C3orf49: variants seen among roughly 807,000 people sequenced by gnomAD.
The protein encoded by C3orf49 is chromosome 3 open reading frame 49, also known as putative uncharacterized protein C3orf49.
A neutral mutation model predicts 13.3 loss-of-function variants in C3orf49; 27 were observed. That is an observed-to-expected ratio of 2.02 (90% CI 1.49 to 2.79). C3orf49 has a LOEUF of 2.79. Among genes scored for constraint, C3orf49 ranks in the 30% most tolerant of loss-of-function variants. The pLI is 0.00. For missense variants in C3orf49, 242 were observed against 134.2 expected, an observed-to-expected ratio of 1.80 and a Z score of -3.97; for synonymous variants, 87 against 47.6, an observed-to-expected ratio of 1.83 and a Z score of -3.40.
At chr3:63,836,377 T>C in intron 5 of C3orf49, 1 of 1,609,284 alleles carries the variant, frequency 6.2e-7, no homozygotes, top group Non-Finnish European at 8.5e-7. Flanking sequence ...CATAAAAATA[T>C]TTATCAAACT....
chr3:63,836,316 C>A, intron 5 of C3orf49: 1 of 1,612,642 alleles, frequency 6.2e-7, no homozygotes, highest in Non-Finnish European at 8.5e-7. Flanking sequence ...TGTCTCATGC[C>A]TGTCTGGATG....
At chr3:63,781,744 A>C in the C3orf49 span, among the ~76,000 whole-genome samples, 8 of 152,134 alleles carry the variant, frequency 5.3e-5, no homozygotes, top group Admixed American at 5.2e-4. Flanking sequence ...TGGAGATTGC[A>C]ATGATAAGAG....
intron 5 of C3orf49, among the ~76,000 whole-genome samples, chr3:63,835,560 TA>T (rs1425156345): frequency 6.6e-6 from 1 of 152,148 alleles, no homozygotes; most frequent in Non-Finnish European, 1.5e-5. Flanking sequence ...GATTTCTTCT[TA>T]ACTTCTAAAT....
At chr3:63,818,958 A>C (rs191336157), upstream of C3orf49, among the ~76,000 whole-genome samples, 28 of 152,350 alleles carry the variant, frequency 1.8e-4, no homozygotes, top group East Asian at 5.2e-3. Context: ...GAGAACATTC[A>C]CCAGCTGTAA....
the C3orf49 span, among the ~76,000 whole-genome samples, chr3:63,806,037 ACTT>A: frequency 6.6e-6 from 1 of 152,116 alleles, no homozygotes; most frequent in Non-Finnish European, 1.5e-5. Flanking sequence ...GTGGAATACT[ACTT>A]CTACAACTCT....
At chr3:63,783,842 G>A in the C3orf49 span, among the ~76,000 whole-genome samples, 1 of 152,026 alleles carries the variant, frequency 6.6e-6, no homozygotes, top group African/African-American at 2.4e-5. Context: ...GCTACCTGTG[G>A]TCTAGCTGAA....
At chr3:63,842,489 A>ACATTT (rs2107133218) in intron 5 of C3orf49, among the ~76,000 whole-genome samples, 1 of 152,312 alleles carries the variant, frequency 6.6e-6, no homozygotes, top group South Asian at 2.1e-4. Flanking sequence ...AAAATGTGGT[A>ACATTT]TCTATACACC....
chr3:63,831,317 G>T, intron 4 of C3orf49, 94 bp downstream of exon 4: 1 of 638,356 alleles, frequency 1.6e-6, no homozygotes, highest in Non-Finnish European at 2.8e-6. Context: ...CATGGGTGTG[G>T]GATGAAATTA....
Position 63,819,400 on chromosome 3 carries a change from T to C in C3orf49, c.-72T>C. On this transcript the variant is annotated 5_prime_UTR_variant, in exon 1 of 7. Transcript: ENST00000295896. ...GACAGTACATTCAGTCACTGGATGATTTTGTATTGAAGTCTGTAAGTTCAA... is the reference window on the plus strand; with the variant it reads ...GACAGTACATTCAGTCACTGGATGACTTTGTATTGAAGTCTGTAAGTTCAA... 1.5e-6 allele frequency: 1 copy of C among 677,282 alleles called. No individual in the cohort carries two copies. The highest frequency in any genetic ancestry group is 2.7e-6 in the Non-Finnish European group (1 of 372,728). The allele number at this position is 677,282 out of a possible 1,614,324, so 42.0% of individuals were successfully genotyped here. A position where few individuals can be genotyped will look rare whatever the true frequency, so the allele number is the denominator to read the frequency against.
At chr3:63,844,917 G>A in intron 5 of C3orf49, 106 bp from the exon 6 acceptor site, 1 of 552,108 alleles carries the variant, frequency 1.8e-6, no homozygotes, top group East Asian at 2.8e-5. Context: ...TGTGGCTGTT[G>A]CTATAATACC....
upstream of C3orf49, among the ~76,000 whole-genome samples, chr3:63,818,551 A>C (rs1428591080): frequency 6.6e-6 from 1 of 152,214 alleles, no homozygotes; most frequent in Non-Finnish European, 1.5e-5. Context: ...GTTTGTGTGC[A>C]CTTGAAAGCT....
rs1701368404 is a variant in C3orf49 at position 63,819,528 on chromosome 3, T to A, written c.57T>A (p.Val19=). 2 of 703,122 alleles carry A rather than the reference T, an allele frequency of 2.8e-6. No individual in the cohort carries two copies. The highest frequency in any genetic ancestry group is 5.2e-6 in the Non-Finnish European group (2 of 385,022). The allele number at this position is 703,122 out of a possible 1,614,324, so 43.6% of individuals were successfully genotyped here. Residue 19 remains valine, a synonymous_variant, in exon 1 of 7, where the codon GTT becomes GTA. Coordinates refer to ENST00000295896, the MANE Select transcript of C3orf49 (RefSeq NM_001355236.2). ...PEPFKIAYRK[V]GQCRRFQQLK... The stretch of plus-strand genomic sequence containing the variant: ...CCTTTAAGATTGCCTACAGAAAAGT[T>A]GGACAGTGCCGAAGATTCCAGCAAC...
intron 5 of C3orf49, among the ~76,000 whole-genome samples, chr3:63,840,877 A>G (rs1211862068): frequency 6.6e-6 from 1 of 152,254 alleles, no homozygotes; most frequent in Admixed American, 6.5e-5. Flanking sequence ...CCACTGAACA[A>G]TAACAAATAA....
chr3:63,818,143 G>A (rs554394399), upstream of C3orf49, among the ~76,000 whole-genome samples: 64 of 152,174 alleles, frequency 4.2e-4, no homozygotes, highest in African/African-American at 1.5e-3. Context: ...CTAGAATATG[G>A]ATTCCTGGGT....
intron 6 of C3orf49, 145 bp from the exon 7 acceptor site, chr3:63,848,219 G>T (rs1229918211): frequency 2.6e-5 from 4 of 152,148 alleles, no homozygotes; most frequent in Non-Finnish European, 5.9e-5. Context: ...GAGAGATTAA[G>T]AGTCTGGCAC....
chr3:63,813,934 C>T, the C3orf49 span, among the ~76,000 whole-genome samples: 16 of 152,156 alleles, frequency 1.1e-4, no homozygotes, highest in Non-Finnish European at 1.6e-4. Context: ...ACAATGATTC[C>T]GGGTCACTAA....
the C3orf49 span, among the ~76,000 whole-genome samples, chr3:63,809,596 C>T: frequency 6.6e-6 from 1 of 152,108 alleles, no homozygotes; most frequent in African/African-American, 2.4e-5. Context: ...CAACTGCCTC[C>T]AGATCCCACA....
At position 63,819,310 on chromosome 3, in the gene C3orf49, G is replaced by T. The variant is rs961062450; in HGVS notation, c.-162G>T. The T allele has an allele frequency of 1.7e-6, 1 of 573,536 alleles. No homozygotes were observed. The allele number at this position is 573,536 out of a possible 1,614,324, so 35.5% of individuals were successfully genotyped here. A position where few individuals can be genotyped will look rare whatever the true frequency, so the allele number is the denominator to read the frequency against. On this transcript the variant is annotated 5_prime_UTR_variant, in exon 1 of 7. Transcript: ENST00000295896. ...CCCACAAATAATGTCTCTAACACCTGGAAGGGAATAAGGGAAAGACTCTAA... is the reference window on the plus strand; with the variant it reads ...CCCACAAATAATGTCTCTAACACCTTGAAGGGAATAAGGGAAAGACTCTAA...
At chr3:63,806,065 T>G in the C3orf49 span, among the ~76,000 whole-genome samples, 1 of 152,210 alleles carries the variant, frequency 6.6e-6, no homozygotes, top group African/African-American at 2.4e-5. Flanking sequence ...GGAGAGCAGC[T>G]TCTCCTGCAC....
Sources: allele counts gnomAD v4.1 joint callset (sites outside exome capture counted in the v4.1 genomes callset), GRCh38; gene constraint gnomAD v4.1.1; transcripts MANE v1.5; gene names NCBI Gene and HGNC (gene_info 2026-07-23, HGNC 2026-07-21).